Variants in MSRA observed in about 807,000 individuals in gnomAD.
MSRA encodes mitochondrial peptide methionine sulfoxide reductase.
A neutral mutation model predicts 31.3 loss-of-function variants in MSRA; 54 were observed. The ratio of observed to expected loss-of-function variants is 1.73; its 90% confidence interval spans 1.39 to 2.17. MSRA has a LOEUF of 2.17. Ranked by LOEUF, MSRA falls within the 30% of genes most tolerant of loss-of-function variation. The pLI, the probability that MSRA is intolerant of heterozygous loss-of-function variation, is 0.00. For missense variants in MSRA, 507 were observed against 300.9 expected (o/e 1.69, Z -5.07); for synonymous variants, 169 against 116.5 (o/e 1.45, Z -2.90).
intron 5 of MSRA, among the ~76,000 whole-genome samples, chr8:10,404,702 G>A (rs140821482): frequency 2.4e-4 from 36 of 152,336 alleles, no homozygotes; most frequent in African/African-American, 7.2e-4. Flanking sequence ...CCGGCCCTCC[G>A]TGCCTTCTCG....
intron 1 of MSRA, among the ~76,000 whole-genome samples, chr8:10,190,121 A>G (rs1807380739): frequency 6.6e-6 from 1 of 152,146 alleles, no homozygotes. Flanking sequence ...TGTGAGCACG[A>G]CATTAAGCAT....
intron 1 of MSRA, among the ~76,000 whole-genome samples, chr8:10,155,464 C>T (rs919821613): frequency 2.0e-5 from 3 of 152,212 alleles, no homozygotes; most frequent in African/African-American, 4.8e-5. Flanking sequence ...CACATTCTCT[C>T]TCTCTCACTT....
chr8:10,342,730 C>T (rs1244359411), intron 5 of MSRA, among the ~76,000 whole-genome samples: 1 of 152,172 alleles, frequency 6.6e-6, no homozygotes, highest in Non-Finnish European at 1.5e-5. Context: ...GCAATGCTCC[C>T]AAGCTCACAC....
chr8:10,216,521 C>G (rs992633398), intron 2 of MSRA, among the ~76,000 whole-genome samples: 31 of 152,160 alleles, frequency 2.0e-4, no homozygotes, highest in Non-Finnish European at 3.8e-4. Context: ...CCATCTAGCT[C>G]CAGAATTATT....
At chr8:10,400,611 A>T (rs1723150602) in intron 5 of MSRA, among the ~76,000 whole-genome samples, 1 of 152,166 alleles carries the variant, frequency 6.6e-6, no homozygotes, top group Non-Finnish European at 1.5e-5. Flanking sequence ...GATGTAGGGC[A>T]TGGAGGCTGT....
intron 2 of MSRA, among the ~76,000 whole-genome samples, chr8:10,211,769 C>T (rs1469269415): frequency 1.3e-5 from 2 of 152,028 alleles, no homozygotes; most frequent in African/African-American, 2.4e-5. Flanking sequence ...TCTCTCTGGC[C>T]GTCAATATCT....
At chr8:10,426,049 C>A (rs773918773) in intron 5 of MSRA, among the ~76,000 whole-genome samples, 12 of 152,206 alleles carry the variant, frequency 7.9e-5, no homozygotes, top group Non-Finnish European at 1.6e-4. Flanking sequence ...CACCTGGCAT[C>A]CCAAAGCCTT....
chr8:10,201,076 A>G (rs563030313), intron 1 of MSRA, among the ~76,000 whole-genome samples: 12 of 152,190 alleles, frequency 7.9e-5, no homozygotes, highest in Non-Finnish European at 1.5e-4. Flanking sequence ...AAGGAGCCAC[A>G]AAGAAACAGA....
At chr8:10,146,486 G>A (rs1024050505) in intron 1 of MSRA, among the ~76,000 whole-genome samples, 1 of 152,184 alleles carries the variant, frequency 6.6e-6, no homozygotes, top group Admixed American at 6.5e-5. Flanking sequence ...CCAGACACAG[G>A]AAGCAGGTGA....
At chr8:10,080,897 G>C (rs1198624188) in intron 1 of MSRA, among the ~76,000 whole-genome samples, 1 of 152,140 alleles carries the variant, frequency 6.6e-6, no homozygotes, top group Non-Finnish European at 1.5e-5. Flanking sequence ...AAAGACTAGT[G>C]TTTCTTAATT....
At chr8:10,332,165 C>T (rs558747914) in intron 5 of MSRA, among the ~76,000 whole-genome samples, 1 of 152,282 alleles carries the variant, frequency 6.6e-6, no homozygotes, top group East Asian at 1.9e-4. Context: ...AGAAGCATCC[C>T]TTCTCGGTCT....
rs139038507 is a variant in MSRA at position 10,269,658 on chromosome 8, T to G, written c.331+24435T>G. On this transcript the variant is annotated intron_variant, in intron 3 of 5. Transcript: ENST00000317173. The stretch of plus-strand genomic sequence containing the variant: ...TGTTGTTGTTGTTGTTTGTTTGTTT[T>G]TTTGTTTTTTGAGACAGAGTCTGGC... Among the ~76,000 whole-genome samples, 157 of 152,038 alleles carry G rather than the reference T, an allele frequency of 1.0e-3. 1 individual carries two copies. Among genetic ancestry groups the G allele is most frequent in the South Asian group, 4.2e-3 (20 of 4,816 alleles).
At chr8:10,285,807 C>T (rs549816045) in intron 3 of MSRA, among the ~76,000 whole-genome samples, 2 of 152,052 alleles carry the variant, frequency 1.3e-5, no homozygotes. Context: ...TCTATGTTAT[C>T]TTAAATGACA....
chr8:10,206,196 C>T (rs1366778073), intron 1 of MSRA, among the ~76,000 whole-genome samples: 1 of 152,164 alleles, frequency 6.6e-6, no homozygotes, highest in Non-Finnish European at 1.5e-5. Context: ...CTTTGATCTC[C>T]ACACGGAAGC....
rs551875194 is a variant in MSRA at position 10,244,537 on chromosome 8, A to G, written c.212-567A>G. On this transcript the variant is annotated intron_variant, in intron 2 of 5. Transcript: ENST00000317173. ...TTCATTATATCCAGAAATAAAACTC[A>G]GAAAAATTTACTTTTGGGTAAGCAG... 3.9e-5 allele frequency among the ~76,000 whole-genome samples: 6 copies of G among 152,338 alleles called. No individual in the cohort carries two copies. The East Asian group carries it at 1.2e-3, about 29-fold the overall frequency.
chr8:10,281,480 G>A (rs546293616), intron 3 of MSRA, among the ~76,000 whole-genome samples: 6 of 152,282 alleles, frequency 3.9e-5, no homozygotes, highest in African/African-American at 1.2e-4. Flanking sequence ...TTGACAATGC[G>A]GCGGTGCTTA....
chr8:10,208,254 G>A (rs536119944), intron 2 of MSRA, among the ~76,000 whole-genome samples: 3 of 151,720 alleles, frequency 2.0e-5, no homozygotes, highest in Non-Finnish European at 4.4e-5. Context: ...GTTAAAGGCT[G>A]GAATTTAAGT....
intron 3 of MSRA, chr8:10,250,578 T>G (rs1469330852): frequency 6.0e-6 from 4 of 671,956 alleles, no homozygotes; most frequent in East Asian, 5.4e-5. Context: ...CCCAGACATT[T>G]CCTTATCAAC....
intron 1 of MSRA, among the ~76,000 whole-genome samples, chr8:10,166,797 G>A (rs888414769): frequency 1.3e-5 from 2 of 152,082 alleles, no homozygotes; most frequent in African/African-American, 2.4e-5. Flanking sequence ...GGCCTCCCTG[G>A]CCCTCATCTG....
Sources: gnomAD v4.1 joint callset for allele counts (sites outside exome capture counted in the v4.1 genomes callset) on GRCh38, gnomAD v4.1.1 for gene constraint, MANE v1.5 for transcripts, NCBI Gene and HGNC (gene_info 2026-07-23, HGNC 2026-07-21) for gene names.